Variants in BCL2 observed in about 807,000 individuals in gnomAD.
The protein encoded by BCL2 is apoptosis regulator Bcl-2.
Under a neutral mutation model 14.2 loss-of-function variants are expected in BCL2, and 1 was observed. That is an observed-to-expected ratio of 0.07 (90% CI 0.02 to 0.33). The LOEUF (loss-of-function observed/expected upper bound fraction) is 0.33, where lower values mean the gene tolerates loss of function less well. Among genes scored for constraint, BCL2 ranks in the 10% least tolerant of loss-of-function variants. BCL2 has a pLI of 0.99. For synonymous variants in BCL2, 151 were observed against 137.2 expected (o/e 1.10, Z -0.70); for missense variants, 247 against 305.9 (o/e 0.81, Z 1.44).
chr18:63,318,859 G>T lies in BCL2; in HGVS notation c.-193C>A. On this transcript the variant is annotated 5_prime_UTR_variant, in exon 2 of 3. Coordinates refer to ENST00000333681, the MANE Select transcript of BCL2 (RefSeq NM_000633.3). This position sits in a 1 kb window ranked among gnomAD's most constrained non-coding sequence, Gnocchi z 7.4. ...GTTTCCCCCTTGGCATGAGATGCAGGAAATTTTTATTCCAATTCCTTTCGG... is the reference window on the plus strand; with the variant it reads ...GTTTCCCCCTTGGCATGAGATGCAGTAAATTTTTATTCCAATTCCTTTCGG... 7.2e-7 allele frequency: 1 copy of T among 1,397,088 alleles called. No homozygotes were observed. Among genetic ancestry groups the T allele is most frequent in the Non-Finnish European group, 9.3e-7 (1 of 1,074,186 alleles). The allele number at this position is 1,397,088 out of a possible 1,614,324, so 86.5% of individuals were successfully genotyped here.
intron 2 of BCL2, among the ~76,000 whole-genome samples, chr18:63,283,517 C>A (rs537255058): frequency 6.6e-6 from 1 of 152,136 alleles, no homozygotes; most frequent in Non-Finnish European, 1.5e-5. Context: ...AAGATGTTTG[C>A]GTGGCTAGCT....
intron 2 of BCL2, among the ~76,000 whole-genome samples, chr18:63,285,704 G>A (rs1912452479): frequency 6.6e-6 from 1 of 151,854 alleles, no homozygotes; most frequent in Admixed American, 6.6e-5. Context: ...TCTCATCTCT[G>A]AGTGTGTAGC....
chr18:63,198,788 C>T lies in BCL2; in HGVS notation c.586-70029G>A, dbSNP rs868755167. On this transcript the variant is annotated intron_variant, in intron 2 of 2. Coordinates refer to ENST00000333681, the MANE Select transcript of BCL2 (RefSeq NM_000633.3). ...ACACAGAGACACACAGACACAGAGA[C>T]ACAGACACACACTGACACAGAGACA... 3.2e-4 allele frequency among the ~76,000 whole-genome samples: 46 copies of T among 143,154 alleles called. 1 individual carries two copies. Among genetic ancestry groups the T allele is most frequent in the African/African-American group, 1.2e-3 (44 of 37,968 alleles). The allele number at this position is 143,154 out of a possible 152,430, so 93.9% of individuals were successfully genotyped here. A position where few individuals can be genotyped will look rare whatever the true frequency, so the allele number is the denominator to read the frequency against.
chr18:63,318,156 C>A lies in BCL2; in HGVS notation c.511G>T (p.Asp171Tyr). ...SVNREMSPLV[D>Y]NIALWMTEYL... ...TCAGTCATCCACAGGGCGATGTTGT[C>A]CACCAGGGGCGACATCTCCCGGTTG... Residue 171 changes from aspartate to tyrosine, a missense_variant, in exon 2 of 3, where the codon GAC (aspartate) becomes TAC (tyrosine). Around this residue, in one of 3 missense-constraint regions of BCL2, gnomAD observed 67 missense variants for 145.7 expected, o/e 0.46. Transcript: ENST00000333681. This position sits in a 1 kb window ranked among gnomAD's most constrained non-coding sequence, Gnocchi z 7.4. 6.2e-7 allele frequency: 1 copy of A among 1,614,166 alleles called. No individual in the cohort carries two copies. The highest frequency in any genetic ancestry group is 8.5e-7 in the Non-Finnish European group (1 of 1,180,018).
chr18:63,287,143 T>C (rs1352705080), intron 2 of BCL2, among the ~76,000 whole-genome samples: 1 of 152,194 alleles, frequency 6.6e-6, no homozygotes, highest in Non-Finnish European at 1.5e-5. Context: ...CACCATTTCT[T>C]ACTCAGAGTG....
At chr18:63,295,747 C>A (rs953395535) in intron 2 of BCL2, among the ~76,000 whole-genome samples, 1 of 152,174 alleles carries the variant, frequency 6.6e-6, no homozygotes, top group Non-Finnish European at 1.5e-5. Flanking sequence ...ACCTCCCCAA[C>A]CTTTTTCCTA....
chr18:63,127,219 C>T lies in BCL2; in HGVS notation c.*1406G>A. ...TCAATGCTTCTTTTAGGATTTGTGA[C>T]CCTCTCCAAAGTCATTTAAAGCCTT... On this transcript the variant is annotated 3_prime_UTR_variant, in exon 3 of 3. Coordinates refer to ENST00000333681, the MANE Select transcript of BCL2 (RefSeq NM_000633.3). The T allele has an allele frequency of 8.7e-6, 2 of 230,478 alleles. No homozygotes were observed. The highest frequency in any genetic ancestry group is 1.3e-3 in the Middle Eastern group (1 of 774). 14.3% of individuals were successfully genotyped at this position (230,478 alleles called of 1,614,324 possible).
At chr18:63,215,486 C>CATATG (rs761316793) in intron 2 of BCL2, among the ~76,000 whole-genome samples, 3 of 152,164 alleles carry the variant, frequency 2.0e-5, no homozygotes, top group Non-Finnish European at 2.9e-5. Flanking sequence ...CATAAAGGGA[C>CATATG]ATATGATATG....
chr18:63,205,273 C>A (rs915718642), intron 2 of BCL2, among the ~76,000 whole-genome samples: 1 of 152,172 alleles, frequency 6.6e-6, no homozygotes, highest in African/African-American at 2.4e-5. Context: ...ATTATTTGTA[C>A]ACCTGGCTGT....
chr18:63,198,197 G>C (rs879647969), intron 2 of BCL2, among the ~76,000 whole-genome samples: 15 of 142,780 alleles, frequency 1.1e-4, no homozygotes, highest in African/African-American at 1.6e-4. Context: ...CACACACACA[G>C]AGACACACAC....
At chr18:63,209,635 T>C (rs1599246025) in intron 2 of BCL2, among the ~76,000 whole-genome samples, 1 of 151,736 alleles carries the variant, frequency 6.6e-6, no homozygotes. Context: ...ACATACAGGA[T>C]GGAAATGGGA....
In BCL2 at chr18:63,268,769, A is replaced by G. The variant is rs975951989; in HGVS notation, c.585+49313T>C. 2.6e-5 allele frequency among the ~76,000 whole-genome samples: 4 copies of G among 152,322 alleles called. No individual in the cohort carries two copies. The South Asian group carries it at 8.3e-4, about 32-fold the overall frequency. Reference sequence around the variant, plus strand: ...GACAAATATATTTATCCCAAAGGTAAATCTCTACTATTATAATTCAGCAGA... The same window carrying G: ...GACAAATATATTTATCCCAAAGGTAGATCTCTACTATTATAATTCAGCAGA... On this transcript the variant is annotated intron_variant, in intron 2 of 2. Transcript: ENST00000333681.
intron 2 of BCL2, among the ~76,000 whole-genome samples, chr18:63,187,599 A>C (rs1185538155): frequency 2.0e-5 from 3 of 152,216 alleles, no homozygotes; most frequent in African/African-American, 7.2e-5. Flanking sequence ...ATACCAGGAA[A>C]AACTTCAGAT....
At chr18:63,209,704 TAG>T (rs1049184644) in intron 2 of BCL2, among the ~76,000 whole-genome samples, 4 of 151,810 alleles carry the variant, frequency 2.6e-5, no homozygotes, top group African/African-American at 9.7e-5. Context: ...TTGGAAGGAT[TAG>T]AGAGAGTAGG....
intron 2 of BCL2, among the ~76,000 whole-genome samples, chr18:63,293,989 T>C (rs1282338179): frequency 6.6e-6 from 1 of 151,562 alleles, no homozygotes; most frequent in African/African-American, 2.4e-5. Flanking sequence ...TAGCATCTCC[T>C]TTCCATGTGA....
intron 2 of BCL2, among the ~76,000 whole-genome samples, chr18:63,282,730 T>A (rs1912351627): frequency 6.6e-6 from 1 of 152,194 alleles, no homozygotes; most frequent in Middle Eastern, 3.2e-3. Context: ...AGATCATGTA[T>A]GTCAAAATAT....
At chr18:63,183,709 A>G (rs1289661020) in intron 2 of BCL2, among the ~76,000 whole-genome samples, 1 of 152,320 alleles carries the variant, frequency 6.6e-6, no homozygotes, top group South Asian at 2.1e-4. Context: ...CGCCTTCTGC[A>G]TGGGGCGGGG....
chr18:63,226,241 G>C (rs985051198), intron 2 of BCL2, among the ~76,000 whole-genome samples: 1 of 152,190 alleles, frequency 6.6e-6, no homozygotes, highest in Non-Finnish European at 1.5e-5. Context: ...TGCCAGTGGA[G>C]CCAGGGATTT....
intron 2 of BCL2, among the ~76,000 whole-genome samples, chr18:63,202,992 T>C (rs1338430421): frequency 1.3e-5 from 2 of 152,360 alleles, no homozygotes; most frequent in African/African-American, 4.8e-5. Context: ...GCCTGGGGAC[T>C]GGCGACCTGC....
Sources: allele counts gnomAD v4.1 joint callset (sites outside exome capture counted in the v4.1 genomes callset), GRCh38; gene constraint gnomAD v4.1.1; regional missense constraint gnomAD v4.1.1; non-coding constraint Gnocchi (gnomAD v3.1); transcripts MANE v1.5; gene names NCBI Gene and HGNC (gene_info 2026-07-23, HGNC 2026-07-21).